The following LARP1 variants were observed in gnomAD, a reference collection of about 807,000 sequenced individuals.
The protein encoded by LARP1 is la-related protein 1.
Under a neutral mutation model 122.7 loss-of-function variants are expected in LARP1, and 36 were observed. The ratio of observed to expected loss-of-function variants is 0.29; its 90% CI spans 0.22 to 0.39. LARP1 has a LOEUF of 0.39. LARP1 is among the 10% of genes least tolerant of loss of function. The pLI is 1.00. For synonymous variants in LARP1, 539 were observed against 528.7 expected, an observed-to-expected ratio of 1.02 and a Z score of -0.27; for missense variants, 1,040 against 1,403.6, an observed-to-expected ratio of 0.74 and a Z score of 4.14.
chr5:154,708,674 T>A (rs1336877267), upstream of LARP1, among the ~76,000 whole-genome samples: 1 of 152,118 alleles, frequency 6.6e-6, no homozygotes. Context: ...AGTGCAATGG[T>A]GATCTCGGCT....
At chr5:154,801,910 T>C (rs1379043449) in intron 10 of LARP1, 97 bp from the exon 11 acceptor site, 26 of 1,185,060 alleles carry the variant, frequency 2.2e-5, no homozygotes, top group East Asian at 7.1e-5. Context: ...AACAGTCTTA[T>C]GTTGAGAGGC....
intron 1 of LARP1, among the ~76,000 whole-genome samples, chr5:154,683,231 C>T (rs1333187662): frequency 6.6e-6 from 1 of 152,194 alleles, no homozygotes; most frequent in African/African-American, 2.4e-5. Context: ...CATTCTCAGC[C>T]GCACATGCAA....
At chr5:154,788,762 G>A (rs1373083587) in intron 1 of LARP1, among the ~76,000 whole-genome samples, 7 of 151,818 alleles carry the variant, frequency 4.6e-5, no homozygotes, top group African/African-American at 1.5e-4. Context: ...AAAAAATTAA[G>A]ACATTTGTTT....
At chr5:154,790,512 C>G in intron 2 of LARP1, 126 bp downstream of exon 2, 1 of 1,273,110 alleles carries the variant, frequency 7.9e-7, no homozygotes, top group Non-Finnish European at 1.1e-6. Context: ...GGAGCCCCTT[C>G]TAGGTATCCA....
intron 1 of LARP1, among the ~76,000 whole-genome samples, chr5:154,750,195 T>C (rs1461463568): frequency 6.6e-6 from 1 of 152,282 alleles, no homozygotes; most frequent in Non-Finnish European, 1.5e-5. Flanking sequence ...TGTTTTGTTT[T>C]GTTTTGTTTT....
chr5:154,707,943 A>G (rs1235292375), upstream of LARP1, among the ~76,000 whole-genome samples: 1 of 152,168 alleles, frequency 6.6e-6, no homozygotes, highest in Non-Finnish European at 1.5e-5. Context: ...TCCAGAACGT[A>G]TGGAGATTTG....
chr5:154,790,991 A>G (rs1757296508), intron 3 of LARP1, among the ~76,000 whole-genome samples: 2 of 150,882 alleles, frequency 1.3e-5, no homozygotes, highest in Admixed American at 1.3e-4. Context: ...CTAATTGTGT[A>G]TTTTTAGTAG....
intron 1 of LARP1, among the ~76,000 whole-genome samples, chr5:154,760,907 A>G (rs1754395284): frequency 6.6e-6 from 1 of 152,230 alleles, no homozygotes; most frequent in Admixed American, 6.5e-5. Context: ...ACAACTGAGG[A>G]AATTGACTAA....
At chr5:154,751,399 T>G (rs1402547047), upstream of LARP1, among the ~76,000 whole-genome samples, 1 of 152,220 alleles carries the variant, frequency 6.6e-6, no homozygotes, top group African/African-American at 2.4e-5. Flanking sequence ...AGTAGACATT[T>G]AAGGAAATAA....
intron 1 of LARP1, among the ~76,000 whole-genome samples, chr5:154,762,355 T>G (rs1048352211): frequency 1.3e-5 from 2 of 152,210 alleles, no homozygotes; most frequent in Non-Finnish European, 2.9e-5. Context: ...TTACTCACTC[T>G]GAGGGTTTAT....
At chr5:154,800,193 G>A (rs966304986) in intron 10 of LARP1, 151 bp downstream of exon 10, 31 of 716,762 alleles carry the variant, frequency 4.3e-5, no homozygotes, top group Non-Finnish European at 6.4e-5. Flanking sequence ...GTTACCAGTA[G>A]TGGCTACAGA....
At chr5:154,809,047 A>T (rs1759028979) in intron 16 of LARP1, among the ~76,000 whole-genome samples, 1 of 152,150 alleles carries the variant, frequency 6.6e-6, no homozygotes, top group East Asian at 1.9e-4. Context: ...GTACATAATT[A>T]ACTTTGTTGT....
At chr5:154,779,297 C>G (rs769057078) in intron 1 of LARP1, among the ~76,000 whole-genome samples, 1 of 152,102 alleles carries the variant, frequency 6.6e-6, no homozygotes, top group Non-Finnish European at 1.5e-5. Context: ...AAGTTACAAG[C>G]TACATGAGAG....
upstream of LARP1, among the ~76,000 whole-genome samples, chr5:154,755,234 G>GCC (rs1753742884): frequency 2.0e-5 from 2 of 97,664 alleles, no homozygotes; most frequent in Admixed American, 2.0e-4. Flanking sequence ...CCTCCTGCCC[G>GCC]CCCGTCGCCC....
chr5:154,804,173 G>T (rs1265333473), intron 13 of LARP1, 28 bp from the exon 14 acceptor site: 2 of 1,569,118 alleles, frequency 1.3e-6, no homozygotes, highest in Admixed American at 3.3e-5. Flanking sequence ...AGTACAAACA[G>T]TAACAAACCC....
intron 1 of LARP1, among the ~76,000 whole-genome samples, chr5:154,693,771 G>A (rs1754336316): frequency 1.3e-5 from 2 of 151,848 alleles, no homozygotes; most frequent in South Asian, 4.2e-4. Flanking sequence ...CAGGAGAACG[G>A]CGTGAACTGG....
chr5:154,728,567 C>T (rs188055492), intron 1 of LARP1, among the ~76,000 whole-genome samples: 4 of 152,146 alleles, frequency 2.6e-5, no homozygotes, highest in East Asian at 1.9e-4. Flanking sequence ...GAGGCAGAGC[C>T]GACAGCCAAC....
chr5:154,756,386 C>T, intron 1 of LARP1, 193 bp downstream of exon 1: 1 of 992,730 alleles, frequency 1.0e-6, no homozygotes, highest in Non-Finnish European at 1.2e-6. Context: ...CTGCCCCTGC[C>T]CGAGGGCCCG....
chr5:154,716,341 G>A (rs964519358), intron 1 of LARP1, among the ~76,000 whole-genome samples: 5 of 151,550 alleles, frequency 3.3e-5, no homozygotes, highest in African/African-American at 1.2e-4. Flanking sequence ...GGCTGGTCTC[G>A]AATTCCTGAC....
Sources: allele counts gnomAD v4.1 joint callset (sites outside exome capture counted in the v4.1 genomes callset), GRCh38; gene constraint gnomAD v4.1.1; transcripts MANE v1.5; gene names NCBI Gene and HGNC (gene_info 2026-07-23, HGNC 2026-07-21).